The following STK3 variants were observed in gnomAD, a reference collection of about 807,000 sequenced individuals.
STK3 encodes the protein serine/threonine-protein kinase 3.
In STK3, 41 loss-of-function variants were observed where a neutral mutation model predicts 58.0. The observed-to-expected ratio is 0.71, with a 90% CI of 0.55 to 0.92. The LOEUF (loss-of-function observed/expected upper bound fraction) is 0.92, where lower values mean the gene tolerates loss of function less well. Ranked by LOEUF, STK3 falls within the 40% of genes least tolerant of loss-of-function variation. STK3 has a pLI of 0.00. For missense variants in STK3, 479 were observed against 602.7 expected (o/e 0.79, Z 2.15); for synonymous variants, 170 against 191.0 (o/e 0.89, Z 0.91).
chr8:98,434,988 G>C (rs1242455446), intron 2 of STK3, among the ~76,000 whole-genome samples: 2 of 152,180 alleles, frequency 1.3e-5, no homozygotes, highest in East Asian at 3.8e-4. Context: ...AGTCCTCCTG[G>C]GGGCAACGAT....
intron 1 of STK3, among the ~76,000 whole-genome samples, chr8:98,783,908 C>T (rs532661907): frequency 2.0e-5 from 3 of 152,304 alleles, no homozygotes; most frequent in East Asian, 1.9e-4. Context: ...GGAATCGTGA[C>T]AGACACCTCA....
intron 10 of STK3, among the ~76,000 whole-genome samples, chr8:98,502,574 T>G (rs1290708355): frequency 6.6e-6 from 1 of 152,226 alleles, no homozygotes; most frequent in Admixed American, 6.5e-5. Flanking sequence ...TTGAGATACG[T>G]CCCATCAATA....
chr8:98,520,370 T>C (rs1388043979), intron 10 of STK3, among the ~76,000 whole-genome samples: 1 of 152,036 alleles, frequency 6.6e-6, no homozygotes, highest in Non-Finnish European at 1.5e-5. Context: ...CCATAGAAAA[T>C]CCCAAAGACA....
intron 3 of STK3, among the ~76,000 whole-genome samples, chr8:98,422,526 C>T (rs772062071): frequency 6.6e-6 from 1 of 152,220 alleles, no homozygotes; most frequent in Non-Finnish European, 1.5e-5. Flanking sequence ...AGAGGGGATC[C>T]TCTTCCAAGG....
At chr8:98,774,951 A>T (rs945653415) in intron 1 of STK3, 132 bp from the exon 2 acceptor site, 1 of 539,042 alleles carries the variant, frequency 1.9e-6, no homozygotes, top group Non-Finnish European at 3.1e-6. Flanking sequence ...ATATAAAAAC[A>T]TACATAGTAA....
rs78851969 is a variant in STK3 at position 98,811,338 on chromosome 8, C to T, written c.26+14177G>A. Among the ~76,000 whole-genome samples the T allele has an allele frequency of 2.7e-3, 413 of 152,174 alleles. 5 individuals are homozygous for T. Among genetic ancestry groups the T allele is most frequent in the South Asian group, 0.018 (87 of 4,824 alleles). On this transcript the variant is annotated intron_variant, in intron 1 of 10. Transcript: ENST00000419617. Reference sequence around the variant, plus strand: ...CCACTAGAGCATAGGTTTTAATGACCACACTGCTGGTAGCTGTATCACTAC... The same window carrying T: ...CCACTAGAGCATAGGTTTTAATGACTACACTGCTGGTAGCTGTATCACTAC...
chr8:98,699,242 T>C (rs2131015394), intron 6 of STK3, among the ~76,000 whole-genome samples: 1 of 152,238 alleles, frequency 6.6e-6, no homozygotes, highest in South Asian at 2.1e-4. Context: ...TCTGTATTGG[T>C]TATTCTAGTT....
chr8:98,407,763 C>CGG (rs1204615200), intron 3 of STK3, among the ~76,000 whole-genome samples: 33 of 149,956 alleles, frequency 2.2e-4, no homozygotes, highest in Non-Finnish European at 2.7e-4. Flanking sequence ...TGTGTGCGCG[C>CGG]GCGCGCGCAT....
chr8:98,705,534 A>G (rs919934873), intron 6 of STK3, among the ~76,000 whole-genome samples: 11 of 152,210 alleles, frequency 7.2e-5, no homozygotes, highest in Non-Finnish European at 1.6e-4. Flanking sequence ...TGGCATTATA[A>G]TATCAGATGT....
At chr8:98,403,134 A>G (rs1817960531) in intron 3 of STK3, among the ~76,000 whole-genome samples, 1 of 152,226 alleles carries the variant, frequency 6.6e-6, no homozygotes, top group South Asian at 2.1e-4. Flanking sequence ...GCAGCTGTCC[A>G]CTTGAAGGTG....
At chr8:98,427,752 T>C (rs1251470790) in intron 3 of STK3, 2 of 493,674 alleles carry the variant, frequency 4.1e-6, no homozygotes, top group Non-Finnish European at 7.2e-6. Flanking sequence ...GGAGCTGTGC[T>C]AATAGAAACA....
intron 2 of STK3, among the ~76,000 whole-genome samples, chr8:98,372,422 C>T (rs1817619906): frequency 6.6e-6 from 1 of 152,190 alleles, no homozygotes; most frequent in South Asian, 2.1e-4. Context: ...AGCTCCCCGG[C>T]CCCTCCACCC....
chr8:98,386,945 G>A (rs12676917), intron 1 of STK3, among the ~76,000 whole-genome samples: 5,944 of 152,200 alleles, frequency 0.039, 398 homozygotes, highest in East Asian at 0.16. Flanking sequence ...GGAACAGGGC[G>A]AGACCCTGTC....
chr8:98,748,783 A>G (rs990102107), intron 4 of STK3, among the ~76,000 whole-genome samples: 3 of 151,970 alleles, frequency 2.0e-5, no homozygotes, highest in Admixed American at 1.3e-4. Flanking sequence ...AGAAATATAT[A>G]TATTTCTATC....
chr8:98,839,587 C>T (rs1835886151), intron 3 of STK3, among the ~76,000 whole-genome samples: 1 of 152,126 alleles, frequency 6.6e-6, no homozygotes, highest in South Asian at 2.1e-4. Context: ...TTTGCTCTTT[C>T]TTTGGAATTC....
chr8:98,428,969 G>T lies in STK3; in HGVS notation n.483+5158C>A, dbSNP rs1439349736. On this transcript the variant is annotated intron_variant and non_coding_transcript_variant, in intron 3 of 3. Coordinates refer to the STK3 transcript ENST00000517832. This position sits in a 1 kb window ranked among gnomAD's most constrained non-coding sequence, Gnocchi z 6.7. Reference sequence around the variant, plus strand: ...TGAAATACAGCTACAAAGAAGTAGGGCTGCTCTTGCTCTACCTCTCCGTGG... The same window carrying T: ...TGAAATACAGCTACAAAGAAGTAGGTCTGCTCTTGCTCTACCTCTCCGTGG... The T allele has an allele frequency of 6.2e-7, 1 of 1,614,132 alleles. No homozygotes were observed. Among genetic ancestry groups the T allele is most frequent in the Non-Finnish European group, 8.5e-7 (1 of 1,180,032 alleles).
At chr8:98,599,513 C>A (rs922003375) in intron 6 of STK3, among the ~76,000 whole-genome samples, 7 of 151,694 alleles carry the variant, frequency 4.6e-5, no homozygotes, top group African/African-American at 1.7e-4. Context: ...TATAAAAAGA[C>A]CCTGGCACTC....
chr8:98,935,820 T>A (rs1165496998), intron 1 of STK3, among the ~76,000 whole-genome samples: 1 of 152,214 alleles, frequency 6.6e-6, no homozygotes, highest in Non-Finnish European at 1.5e-5. Flanking sequence ...GAGGAATAAT[T>A]TTGTAAGGTC....
intron 2 of STK3, among the ~76,000 whole-genome samples, chr8:98,772,876 C>T (rs1038069364): frequency 1.3e-5 from 2 of 152,106 alleles, no homozygotes; most frequent in African/African-American, 4.8e-5. Context: ...GTCTGCAGAA[C>T]CGTGAGCCAA....
Sources: allele counts gnomAD v4.1 joint callset (sites outside exome capture counted in the v4.1 genomes callset), GRCh38; gene constraint gnomAD v4.1.1; non-coding constraint Gnocchi (gnomAD v3.1); transcripts MANE v1.5; gene names NCBI Gene and HGNC (gene_info 2026-07-23, HGNC 2026-07-21).